Variants in DPYD observed in about 807,000 individuals in gnomAD.
DPYD encodes the protein dihydropyrimidine dehydrogenase [NADP(+)].
In DPYD, 109 loss-of-function variants were observed where a neutral mutation model predicts 116.2. The observed-to-expected ratio is 0.94, with a 90% CI of 0.80 to 1.10. The LOEUF (loss-of-function observed/expected upper bound fraction) is 1.10, where lower values mean the gene tolerates loss of function less well. DPYD is among the 50% of genes least tolerant of loss of function. DPYD has a pLI of 0.00. For missense variants in DPYD, 1,302 were observed against 1,254.5 expected (o/e 1.04, Z -0.57); for synonymous variants, 440 against 432.0 (o/e 1.02, Z -0.23).
At chr1:97,792,945 G>A (rs1238504680) in intron 3 of DPYD, among the ~76,000 whole-genome samples, 1 of 152,034 alleles carries the variant, frequency 6.6e-6, no homozygotes, top group Non-Finnish European at 1.5e-5. Flanking sequence ...TATCCTGGAT[G>A]GAATTCTAAA....
At chr1:97,438,916 T>C (rs954718846) in intron 14 of DPYD, among the ~76,000 whole-genome samples, 2 of 152,060 alleles carry the variant, frequency 1.3e-5, no homozygotes, top group African/African-American at 2.4e-5. Flanking sequence ...TCTAGCATAA[T>C]GTGGAATGGA....
intron 8 of DPYD, among the ~76,000 whole-genome samples, chr1:97,622,918 C>T (rs941803214): frequency 1.3e-5 from 2 of 151,808 alleles, no homozygotes; most frequent in Non-Finnish European, 2.9e-5. Context: ...AAAAGAATGG[C>T]GTTTACACAG....
At chr1:97,201,545 A>G (rs1659202545) in intron 19 of DPYD, among the ~76,000 whole-genome samples, 1 of 152,184 alleles carries the variant, frequency 6.6e-6, no homozygotes, top group South Asian at 2.1e-4. Context: ...CATGAATAAA[A>G]CACCAAAATT....
At chr1:97,242,608 C>A (rs1311744815) in intron 18 of DPYD, among the ~76,000 whole-genome samples, 2 of 151,478 alleles carry the variant, frequency 1.3e-5, no homozygotes, top group African/African-American at 2.4e-5. Context: ...TTGTTGGATT[C>A]TTTTTGATAA....
intron 20 of DPYD, among the ~76,000 whole-genome samples, 156 bp from the exon 21 acceptor site, chr1:97,098,788 T>C (rs1013772203): frequency 6.6e-6 from 1 of 152,042 alleles, no homozygotes; most frequent in African/African-American, 2.4e-5. Flanking sequence ...TTTGGACCAC[T>C]AGTCTTCTCG....
intron 18 of DPYD, among the ~76,000 whole-genome samples, chr1:97,276,449 A>G (rs2090763): frequency 0.32 from 48,447 of 151,966 alleles, 8,166 homozygotes; most frequent in Non-Finnish European, 0.37. Flanking sequence ...AACTTAAACA[A>G]GTCAACCAGC....
At chr1:97,102,415 A>ATATATATATATATATATATATATATG (rs1650775608) in intron 20 of DPYD, among the ~76,000 whole-genome samples, 2 of 143,008 alleles carry the variant, frequency 1.4e-5, no homozygotes, top group Admixed American at 1.4e-4. Flanking sequence ...ATATATATAT[A>ATATATATATATATATATATATATATG]TATATGTATA....
At chr1:97,883,218 G>C in intron 2 of DPYD, 46 bp downstream of exon 2, 2 of 1,290,692 alleles carry the variant, frequency 1.5e-6, no homozygotes, top group Admixed American at 3.4e-5. Flanking sequence ...ACAATGTGTG[G>C]AGTGAGGTAA....
At chr1:97,752,375 T>C (rs1414662544) in intron 3 of DPYD, among the ~76,000 whole-genome samples, 1 of 152,066 alleles carries the variant, frequency 6.6e-6, no homozygotes, top group Admixed American at 6.6e-5. Context: ...TATTCATTCA[T>C]TTTACTTAGC....
chr1:97,399,296 A>G (rs990128286), intron 14 of DPYD, among the ~76,000 whole-genome samples: 4 of 151,984 alleles, frequency 2.6e-5, no homozygotes, highest in African/African-American at 9.7e-5. Flanking sequence ...GTTCTGTTCC[A>G]TTGGTCTATA....
intron 8 of DPYD, among the ~76,000 whole-genome samples, chr1:97,647,437 G>C: frequency 6.6e-6 from 1 of 151,796 alleles, no homozygotes. Flanking sequence ...ACAATAATAA[G>C]AACAATAACA....
At chr1:97,748,412 C>T (rs1184345614) in intron 3 of DPYD, among the ~76,000 whole-genome samples, 1 of 151,930 alleles carries the variant, frequency 6.6e-6, no homozygotes, top group Non-Finnish European at 1.5e-5. Flanking sequence ...ATAGAGACCA[C>T]CCTGGCTAAC....
At chr1:97,244,119 T>C (rs1412451959) in intron 18 of DPYD, among the ~76,000 whole-genome samples, 2 of 151,958 alleles carry the variant, frequency 1.3e-5, no homozygotes, top group African/African-American at 4.8e-5. Flanking sequence ...TCTATATGTA[T>C]GTTCTTTCTA....
intron 18 of DPYD, among the ~76,000 whole-genome samples, chr1:97,249,780 A>G (rs898751660): frequency 2.3e-4 from 35 of 152,222 alleles, no homozygotes; most frequent in Non-Finnish European, 8.8e-5. Context: ...CTTGAACAAT[A>G]CTTTTTAAAA....
intron 8 of DPYD, among the ~76,000 whole-genome samples, chr1:97,618,377 CT>C (rs71758165): frequency 0.41 from 56,257 of 136,114 alleles, 11,137 homozygotes; most frequent in East Asian, 0.53. Context: ...GATTTTTTTT[CT>C]TTTTTTTTTT....
At chr1:97,170,802 A>G (rs1656671876) in intron 20 of DPYD, among the ~76,000 whole-genome samples, 1 of 151,476 alleles carries the variant, frequency 6.6e-6, no homozygotes, top group Non-Finnish European at 1.5e-5. Context: ...CAGCCTCCTG[A>G]GTAGCTGGGA....
chr1:97,331,554 C>T (rs929667001), intron 16 of DPYD, among the ~76,000 whole-genome samples: 2 of 152,062 alleles, frequency 1.3e-5, no homozygotes, highest in African/African-American at 4.8e-5. Flanking sequence ...GTTGAAACTG[C>T]AAATGTTTGC....
intron 8 of DPYD, among the ~76,000 whole-genome samples, chr1:97,669,682 T>C (rs975994113): frequency 1.3e-5 from 2 of 152,156 alleles, no homozygotes; most frequent in Non-Finnish European, 2.9e-5. Context: ...ACTTTAATCC[T>C]GCTAACGAAA....
intron 3 of DPYD, among the ~76,000 whole-genome samples, chr1:97,793,645 G>GA (rs1021733714): frequency 3.4e-4 from 51 of 151,568 alleles, no homozygotes; most frequent in African/African-American, 1.2e-3. Flanking sequence ...ATGCCCATAT[G>GA]AAAAAAACAA....
Sources: allele counts gnomAD v4.1 joint callset (sites outside exome capture counted in the v4.1 genomes callset), GRCh38; gene constraint gnomAD v4.1.1; transcripts MANE v1.5; gene names NCBI Gene and HGNC (gene_info 2026-07-23, HGNC 2026-07-21).